LAMA4: variants seen among roughly 807,000 people sequenced by gnomAD.
LAMA4 encodes the protein laminin subunit alpha 4.
LAMA4 carries 127 observed loss-of-function variants against 207.1 expected under a neutral mutation model. The ratio of observed to expected loss-of-function variants is 0.61; its 90% CI spans 0.53 to 0.71. The LOEUF (loss-of-function observed/expected upper bound fraction) is 0.71. Ranked by LOEUF, LAMA4 falls within the 30% of genes least tolerant of loss-of-function variation. The pLI is 0.00. For synonymous variants in LAMA4, 761 were observed against 816.0 expected (o/e 0.93, Z 1.15); for missense variants, 2,093 against 2,246.5 (o/e 0.93, Z 1.38).
At chr6:112,226,400 C>T (rs929990154) in intron 2 of LAMA4, among the ~76,000 whole-genome samples, 6 of 152,092 alleles carry the variant, frequency 3.9e-5, no homozygotes, top group African/African-American at 1.2e-4. Flanking sequence ...TGCTTTGGCC[C>T]GCCTTGCCTT....
At position 112,132,769 on chromosome 6, in the gene LAMA4, A is replaced by G; in HGVS notation, c.3818T>C (p.Phe1273Ser). 6.2e-7 allele frequency: 1 copy of G among 1,613,026 alleles called. No individual in the cohort carries two copies. The highest frequency in any genetic ancestry group is 8.5e-7 in the Non-Finnish European group (1 of 1,179,256). ...AACACTTACCCCTGAAGCATAATAG[A>G]ATAGTAACCCATTTGGTTGTAATGT... ...FRTLQPNGLL[F>S]YYASGSDVFS... Residue 1273 changes from phenylalanine to serine, a missense_variant, in exon 28 of 39, where the codon TTC becomes TCC. Transcript: ENST00000230538.
At chr6:112,169,808 T>C (rs1781607903) in intron 12 of LAMA4, among the ~76,000 whole-genome samples, 1 of 152,272 alleles carries the variant, frequency 6.6e-6, no homozygotes, top group South Asian at 2.1e-4. Context: ...TATAAGTTTA[T>C]TTAAAAGCTA....
intron 16 of LAMA4, among the ~76,000 whole-genome samples, chr6:112,153,779 A>G (rs1380109413): frequency 6.6e-6 from 1 of 152,158 alleles, no homozygotes; most frequent in Non-Finnish European, 1.5e-5. Context: ...TTCAGGATAG[A>G]CTTACATAAT....
intron 2 of LAMA4, 146 bp from the exon 3 acceptor site, chr6:112,216,615 AAAAT>A: frequency 1.5e-6 from 1 of 683,462 alleles, no homozygotes; most frequent in Non-Finnish European, 2.7e-6. Flanking sequence ...AAAACATACT[AAAAT>A]AAACTATTTA....
At chr6:112,178,517 C>G in intron 9 of LAMA4, 1 of 403,828 alleles carries the variant, frequency 2.5e-6, no homozygotes, top group Non-Finnish European at 4.6e-6. Flanking sequence ...GACTTTGGTG[C>G]ACCCATCACC....
intron 12 of LAMA4, among the ~76,000 whole-genome samples, chr6:112,165,922 A>G (rs1446908285): frequency 6.6e-6 from 1 of 152,220 alleles, no homozygotes; most frequent in African/African-American, 2.4e-5. Flanking sequence ...AGGCAGGGAC[A>G]TTGTGATTCT....
intron 8 of LAMA4, chr6:112,186,733 C>A (rs782482067): frequency 4.5e-6 from 2 of 447,458 alleles, no homozygotes; most frequent in South Asian, 3.2e-5. Context: ...CTGTATTTTT[C>A]TTTTTTAATT....
intron 2 of LAMA4, among the ~76,000 whole-genome samples, chr6:112,229,887 T>C (rs1380660555): frequency 6.6e-6 from 1 of 152,238 alleles, no homozygotes; most frequent in Non-Finnish European, 1.5e-5. Context: ...CCATGTCAAC[T>C]AGTCAATTTT....
chr6:112,136,678 C>T (rs1464324146), intron 24 of LAMA4, among the ~76,000 whole-genome samples: 4 of 136,624 alleles, frequency 2.9e-5, no homozygotes, highest in Admixed American at 7.7e-5. Flanking sequence ...GGCTACAGAA[C>T]GAGACTCTGT....
intron 5 of LAMA4, 84 bp from the exon 6 acceptor site, chr6:112,191,934 G>T: frequency 9.5e-7 from 1 of 1,050,866 alleles, no homozygotes; most frequent in Non-Finnish European, 1.4e-6. Context: ...GAAGAAAGAT[G>T]TAGTGGATAT....
rs782628388 is a variant in LAMA4, at chr6:112,189,105, TTTAC to T, written c.814+1_814+4del. 1.6e-5 allele frequency: 26 copies of T among 1,600,508 alleles called. No individual in the cohort carries two copies. The highest frequency in any genetic ancestry group is 1.7e-4 in the Middle Eastern group (1 of 6,058). On this transcript the variant is annotated splice_donor_variant and splice_donor_region_variant and intron_variant, in intron 7 of 38. Transcript: ENST00000230538. LOFTEE classifies it high-confidence loss of function. The stretch of plus-strand genomic sequence containing the variant: ...GGTTAGTCAATCATGTACTGTTATT[TTTAC>T]TTATGGTTGGGCAGTCCATGCCTGT...
chr6:112,172,399 T>C, intron 12 of LAMA4: 1 of 565,716 alleles, frequency 1.8e-6, no homozygotes, highest in East Asian at 3.2e-5. Context: ...TGCGTTCTTA[T>C]CAAAGCAAGA....
At chr6:112,134,719 T>G in intron 25 of LAMA4, 110 bp from the exon 26 acceptor site, 1 of 855,732 alleles carries the variant, frequency 1.2e-6, no homozygotes, top group South Asian at 1.5e-5. Flanking sequence ...TTCCATGCCT[T>G]TGTGCTTGTT....
chr6:112,148,886 A>C (rs1303884923), intron 17 of LAMA4, among the ~76,000 whole-genome samples: 6 of 151,178 alleles, frequency 4.0e-5, no homozygotes, highest in Non-Finnish European at 7.4e-5. Flanking sequence ...TAATATTTCT[A>C]TGAGAATTAT....
intron 5 of LAMA4, among the ~76,000 whole-genome samples, chr6:112,193,845 C>T (rs1554349797): frequency 6.6e-6 from 1 of 152,106 alleles, no homozygotes; most frequent in East Asian, 1.9e-4. Flanking sequence ...TGGATTCATC[C>T]AACACAAGGA....
chr6:112,119,168 C>T lies in LAMA4; in HGVS notation c.4809G>A (p.Val1603=). 1.2e-6 allele frequency: 2 copies of T among 1,613,888 alleles called. No individual in the cohort carries two copies. The highest frequency in any genetic ancestry group is 2.2e-5 in the South Asian group (2 of 91,082). The change falls in exon 34 of 39, where the codon GTG becomes GTA. Residue 1603 remains valine (V), a synonymous_variant. Coordinates refer to ENST00000230538, the MANE Select transcript of LAMA4 (RefSeq NM_001105206.3). ...YLGGVAPGKA[V]KNVQINSIYS... The stretch of plus-strand genomic sequence containing the variant: ...ATGCCTGGCTTACCTGAACATTTTT[C>T]ACAGCCTTTCCAGGAGCCACACCTC...
chr6:112,212,278 C>T (rs539863589), intron 3 of LAMA4, among the ~76,000 whole-genome samples: 5 of 149,740 alleles, frequency 3.3e-5, no homozygotes, highest in East Asian at 2.0e-4. Context: ...GGCTAGAATG[C>T]GGTGGTGTGA....
At chr6:112,216,639 T>G (rs1784641700) in intron 2 of LAMA4, 170 bp from the exon 3 acceptor site, 1 of 644,566 alleles carries the variant, frequency 1.6e-6, no homozygotes, top group Non-Finnish European at 2.8e-6. Context: ...ATACTACCAT[T>G]CAGTGATAGA....
At chr6:112,144,503 CTG>C (rs1210401036) in intron 19 of LAMA4, among the ~76,000 whole-genome samples, 4 of 152,220 alleles carry the variant, frequency 2.6e-5, no homozygotes, top group African/African-American at 9.6e-5. Flanking sequence ...TAGTTTAACT[CTG>C]TGGTTTTTAA....
Sources: gnomAD v4.1 joint callset for allele counts (sites outside exome capture counted in the v4.1 genomes callset) on GRCh38, gnomAD v4.1.1 for gene constraint, MANE v1.5 for transcripts, NCBI Gene and HGNC (gene_info 2026-07-23, HGNC 2026-07-21) for gene names.